FBXO31: variants seen among roughly 807,000 people sequenced by gnomAD.
The protein encoded by FBXO31 is F-box only protein 31.
In FBXO31, 24 loss-of-function variants were observed where a neutral mutation model predicts 54.4. That is an observed-to-expected ratio of 0.44 (90% CI 0.32 to 0.62). The LOEUF is 0.62. FBXO31 is among the 20% of genes least tolerant of loss of function. The pLI, the probability that FBXO31 is intolerant of heterozygous loss-of-function variation, is 0.05. For synonymous variants in FBXO31, 388 were observed against 335.6 expected (o/e 1.16, Z -1.71); for missense variants, 665 against 787.1 (o/e 0.84, Z 1.86).
chr16:87,339,568 C>G (rs899531819), intron 5 of FBXO31, among the ~76,000 whole-genome samples: 21 of 152,214 alleles, frequency 1.4e-4, no homozygotes, highest in South Asian at 6.2e-4. Flanking sequence ...GCCCCAGCCT[C>G]TGCCCTACCT....
intron 1 of FBXO31, among the ~76,000 whole-genome samples, chr16:87,365,025 A>C (rs1251169978): frequency 9.6e-6 from 1 of 103,854 alleles, no homozygotes; most frequent in Non-Finnish European, 2.0e-5. Context: ...ATATATATAT[A>C]TATATATATA....
intron 1 of FBXO31, 136 bp from the exon 2 acceptor site, chr16:87,360,502 G>C: frequency 1.4e-6 from 1 of 693,254 alleles, no homozygotes; most frequent in Admixed American, 2.2e-5. Context: ...TGTCACTGTG[G>C]AGATTTCACT....
In FBXO31 at chr16:87,343,990, G is replaced by A. The variant is rs573346824; in HGVS notation, c.490-225C>T. Among the ~76,000 whole-genome samples the A allele has an allele frequency of 1.2e-4, 18 of 152,356 alleles. No individual in the cohort carries two copies. In the East Asian group the frequency reaches 3.5e-3, roughly 29 times the overall value. On this transcript the variant is annotated intron_variant, in intron 3 of 8. Transcript: ENST00000311635. ...CAGAATAATCCAGAAAGTGACACGG[G>A]GTGAGGTGCCGACCAGACAGAGGGA... is the stretch of plus-strand genomic sequence containing the variant.
Position 87,331,128 on chromosome 16 carries a change from T to C in FBXO31, c.*160A>G, listed in dbSNP as rs1411069644. Reference sequence around the variant, plus strand: ...ACAAATATGCAGGTCTATGTCACACTCTCTACATAAAGTGCTGGGGGGTGG... The same window carrying C: ...ACAAATATGCAGGTCTATGTCACACCCTCTACATAAAGTGCTGGGGGGTGG... On this transcript the variant is annotated 3_prime_UTR_variant, in exon 9 of 9. Coordinates refer to ENST00000311635, the MANE Select transcript of FBXO31 (RefSeq NM_024735.5). The C allele has an allele frequency of 7.8e-6, 5 of 638,310 alleles. No homozygotes were observed. Among genetic ancestry groups the C allele is most frequent in the Non-Finnish European group, 1.4e-5 (5 of 363,052 alleles). The allele number at this position is 638,310 out of a possible 1,614,324, so 39.5% of individuals were successfully genotyped here. A position where few individuals can be genotyped will look rare whatever the true frequency, so the allele number is the denominator to read the frequency against.
At chr16:87,332,649 A>G (rs1456377022) in intron 8 of FBXO31, among the ~76,000 whole-genome samples, 3 of 147,238 alleles carry the variant, frequency 2.0e-5, no homozygotes, top group African/African-American at 7.6e-5. Flanking sequence ...CGGGAGCTGG[A>G]ACTGTGGCAC....
At chr16:87,390,874 AG>A, upstream of FBXO31, among the ~76,000 whole-genome samples, 1 of 152,188 alleles carries the variant, frequency 6.6e-6, no homozygotes, top group South Asian at 2.1e-4. Context: ...CTGGGTTTAC[AG>A]GCTTGGAGCC....
chr16:87,361,038 C>A (rs367789782), intron 1 of FBXO31, among the ~76,000 whole-genome samples: 57 of 152,324 alleles, frequency 3.7e-4, no homozygotes, highest in African/African-American at 1.3e-3. Flanking sequence ...ACGTCCCAAG[C>A]AAAATCCCAG....
At chr16:87,379,540 C>G (rs1177160726) in intron 1 of FBXO31, among the ~76,000 whole-genome samples, 1 of 152,158 alleles carries the variant, frequency 6.6e-6, no homozygotes, top group African/African-American at 2.4e-5. Flanking sequence ...CCGCATTGTG[C>G]CTGCACTGAA....
chr16:87,327,509 C>G lies in FBXO31; in HGVS notation c.*3779G>C, dbSNP rs1384886499. On this transcript the variant is annotated 3_prime_UTR_variant, in exon 9 of 9. Transcript: ENST00000311635. The stretch of plus-strand genomic sequence containing the variant: ...TCCATCTCTACAAAAACAAGTTAGC[C>G]AAGCATGGTGGTGGTGGGTGCCTGT... 6.6e-6 allele frequency: 1 copy of G among 152,262 alleles called. No individual in the cohort carries two copies. The highest frequency in any genetic ancestry group is 6.5e-5 in the Admixed American group (1 of 15,282). The allele number at this position is 152,262 out of a possible 1,614,324, so 9.4% of individuals were successfully genotyped here.
intron 1 of FBXO31, among the ~76,000 whole-genome samples, chr16:87,378,777 C>T (rs549936479): frequency 2.0e-5 from 3 of 152,070 alleles, no homozygotes; most frequent in East Asian, 3.9e-4. Context: ...CTGGCTAACA[C>T]GGTGAAACCC....
Position 87,336,064 on chromosome 16 carries a change from G to C in FBXO31, c.842+91C>G. ...GAACCCCAGCACCCACTGAGACAAA[G>C]GACTATGCCCCAGCACCCACCGGGA... On this transcript the variant is annotated intron_variant, in intron 6 of 8. Transcript: ENST00000311635. The surrounding 1 kb of genome is among the most constrained non-coding windows in gnomAD (Gnocchi z 6.5). The C allele has an allele frequency of 9.5e-7, 1 of 1,057,336 alleles. No individual in the cohort carries two copies. Among genetic ancestry groups the C allele is most frequent in the Non-Finnish European group, 1.4e-6 (1 of 709,928 alleles). The allele number at this position is 1,057,336 out of a possible 1,614,324, so 65.5% of individuals were successfully genotyped here. A position where few individuals can be genotyped will look rare whatever the true frequency, so the allele number is the denominator to read the frequency against.
chr16:87,391,265 C>T (rs1907534932), upstream of FBXO31, among the ~76,000 whole-genome samples: 1 of 152,196 alleles, frequency 6.6e-6, no homozygotes, highest in South Asian at 2.1e-4. Context: ...TATGATCGTG[C>T]CACTGCATTC....
At chr16:87,353,994 C>T (rs114069155) in intron 2 of FBXO31, among the ~76,000 whole-genome samples, 188 of 152,378 alleles carry the variant, frequency 1.2e-3, no homozygotes, top group African/African-American at 4.4e-3. Flanking sequence ...TGTGCTCCCA[C>T]AGCTACATAA....
intron 1 of FBXO31, among the ~76,000 whole-genome samples, chr16:87,362,385 C>CATAG (rs1242456366): frequency 6.6e-6 from 1 of 151,816 alleles, no homozygotes; most frequent in Non-Finnish European, 1.5e-5. Flanking sequence ...TACATACATA[C>CATAG]ATACATTTAT....
chr16:87,358,000 T>C (rs558595082), intron 2 of FBXO31, among the ~76,000 whole-genome samples: 3 of 152,300 alleles, frequency 2.0e-5, no homozygotes, highest in African/African-American at 7.2e-5. Context: ...TCACATAGGC[T>C]ATTAAAATGT....
chr16:87,353,460 G>C (rs80205055), intron 2 of FBXO31, among the ~76,000 whole-genome samples: 1,714 of 152,368 alleles, frequency 0.011, 8 homozygotes, highest in Non-Finnish European at 0.018. Context: ...GAGCACGTTA[G>C]GGTAAACGAA....
rs200451410 is a variant in FBXO31 at position 87,383,386 on chromosome 16, G to T, written c.340+19C>A. The T allele has an allele frequency of 1.3e-5, 12 of 897,288 alleles. No individual in the cohort carries two copies. In the Admixed American group the frequency reaches 3.6e-4, roughly 27 times the overall value. 55.6% of individuals were successfully genotyped at this position (897,288 alleles called of 1,614,324 possible). A position where few individuals can be genotyped will look rare whatever the true frequency, so the allele number is the denominator to read the frequency against. On this transcript the variant is annotated intron_variant, in intron 1 of 8. Coordinates refer to ENST00000311635, the MANE Select transcript of FBXO31 (RefSeq NM_024735.5). The surrounding 1 kb of genome is among the most constrained non-coding windows in gnomAD (Gnocchi z 4.9). Reference sequence around the variant, plus strand: ...GGGACCCCCCGCCCCTCCCGGCCCCGCCACCCCCGCGCGCTCACCCTCACG... The same window carrying T: ...GGGACCCCCCGCCCCTCCCGGCCCCTCCACCCCCGCGCGCTCACCCTCACG...
At chr16:87,354,259 G>A (rs1184257699) in intron 2 of FBXO31, among the ~76,000 whole-genome samples, 3 of 152,106 alleles carry the variant, frequency 2.0e-5, no homozygotes, top group Admixed American at 6.5e-5. Flanking sequence ...AATCGCTTGA[G>A]CCCAGGAGTT....
chr16:87,361,799 G>A (rs781380986), intron 1 of FBXO31, among the ~76,000 whole-genome samples: 4 of 152,210 alleles, frequency 2.6e-5, no homozygotes, highest in Admixed American at 6.5e-5. Flanking sequence ...CAGTCAAGGC[G>A]AGGTGGCTGC....
Sources: allele counts gnomAD v4.1 joint callset (sites outside exome capture counted in the v4.1 genomes callset), GRCh38; gene constraint gnomAD v4.1.1; non-coding constraint Gnocchi (gnomAD v3.1); transcripts MANE v1.5; gene names NCBI Gene and HGNC (gene_info 2026-07-23, HGNC 2026-07-21).